Variants in ACAN observed in about 807,000 individuals in gnomAD.
ACAN encodes the protein aggrecan core protein.
A neutral mutation model predicts 169.1 loss-of-function variants in ACAN; 47 were observed. That is an observed-to-expected ratio of 0.28 (90% CI 0.22 to 0.35). The LOEUF is 0.35. Among genes scored for constraint, ACAN ranks in the 10% least tolerant of loss-of-function variants. ACAN has a pLI of 1.00. For synonymous variants in ACAN, 1,115 were observed against 1,112.2 expected, an observed-to-expected ratio of 1.00 and a Z score of -0.05; for missense variants, 2,716 against 2,759.9, an observed-to-expected ratio of 0.98 and a Z score of 0.36.
intron 1 of ACAN, among the ~76,000 whole-genome samples, chr15:88,810,740 A>G (rs1895800665): frequency 6.6e-6 from 1 of 152,140 alleles, no homozygotes; most frequent in Non-Finnish European, 1.5e-5. Context: ...GCTTTTCAAA[A>G]ATACGGGTGG....
intron 1 of ACAN, among the ~76,000 whole-genome samples, chr15:88,818,670 G>A (rs911990438): frequency 2.6e-5 from 4 of 152,168 alleles, no homozygotes; most frequent in Non-Finnish European, 5.9e-5. Flanking sequence ...GGTTGTGTTG[G>A]ACTCATTGGA....
intron 1 of ACAN, among the ~76,000 whole-genome samples, chr15:88,812,949 C>G (rs1007822120): frequency 2.0e-5 from 3 of 152,186 alleles, no homozygotes; most frequent in Non-Finnish European, 4.4e-5. Flanking sequence ...ACATGCCTTC[C>G]AAGGCCAGCA....
At position 88,849,464 on chromosome 15, in the gene ACAN, G is replaced by A. The variant is rs771802121; in HGVS notation, c.1759G>A (p.Glu587Lys). Residue 587 changes from glutamate (E) to lysine (K), a missense_variant, in exon 10 of 19, where the codon GAG becomes AAG. Around this residue, in one of 3 missense-constraint regions of ACAN, gnomAD observed 1,283 missense variants for 1,281.5 expected, o/e 1.00. Coordinates refer to ENST00000560601, the MANE Select transcript of ACAN (RefSeq NM_001369268.1). The surrounding 1 kb of genome is among the most constrained non-coding windows in gnomAD (Gnocchi z 5.1). ...EGEVFFATRL[E>K]QFTFQEALEF... is the part of the protein sequence containing the mutation. Reference sequence around the variant, plus strand: ...GGAGGTGTTCTTCGCCACACGCCTTGAGCAGTTCACCTTCCAGGAAGCACT... The same window carrying A: ...GGAGGTGTTCTTCGCCACACGCCTTAAGCAGTTCACCTTCCAGGAAGCACT... The A allele has an allele frequency of 1.3e-4, 206 of 1,603,154 alleles. No individual in the cohort carries two copies. Among genetic ancestry groups the A allele is most frequent in the Non-Finnish European group, 1.7e-4 (194 of 1,173,168 alleles).
At chr15:88,824,142 G>T (rs1896147859) in intron 1 of ACAN, among the ~76,000 whole-genome samples, 1 of 152,072 alleles carries the variant, frequency 6.6e-6, no homozygotes, top group Non-Finnish European at 1.5e-5. Flanking sequence ...GGCTAACACA[G>T]TGAAACCCCG....
In ACAN at chr15:88,814,018, C is replaced by T. The variant is rs1013548854; in HGVS notation, c.-8+10209C>T. ...TTCCTAGTTCCCCTCCTGATGACAT[C>T]TAGTGCTTAGACTCACAAAAGAATC... On this transcript the variant is annotated intron_variant, in intron 1 of 18. Transcript: ENST00000560601. The surrounding 1 kb of genome is among the most constrained non-coding windows in gnomAD (Gnocchi z 4.0). Among the ~76,000 whole-genome samples the T allele has an allele frequency of 1.3e-5, 2 of 152,192 alleles. No homozygotes were observed. The highest frequency in any genetic ancestry group is 4.8e-5 in the African/African-American group (2 of 41,450).
chr15:88,871,277 A>C lies in ACAN; in HGVS notation c.7061-105A>C. The C allele has an allele frequency of 6.7e-7, 1 of 1,497,514 alleles. No homozygotes were observed. Among genetic ancestry groups the C allele is most frequent in the South Asian group, 1.2e-5 (1 of 83,198 alleles). 92.8% of individuals were successfully genotyped at this position (1,497,514 alleles called of 1,614,324 possible). Reference sequence around the variant, plus strand: ...CTCTCCCTTCCCTTGAGGGCACAGCATGGAAGGTGGGGTGAACGCAGGAAC... The same window carrying C: ...CTCTCCCTTCCCTTGAGGGCACAGCCTGGAAGGTGGGGTGAACGCAGGAAC... On this transcript the variant is annotated intron_variant, in intron 14 of 18. Transcript: ENST00000560601. The surrounding 1 kb of genome is among the most constrained non-coding windows in gnomAD (Gnocchi z 7.8).
chr15:88,848,448 G>T (rs1048757684), intron 9 of ACAN, among the ~76,000 whole-genome samples: 3 of 151,592 alleles, frequency 2.0e-5, no homozygotes, highest in African/African-American at 7.3e-5. Flanking sequence ...TGGGCACAGT[G>T]GCTCACACCT....
intron 1 of ACAN, among the ~76,000 whole-genome samples, chr15:88,812,537 C>T (rs1895846038): frequency 6.6e-6 from 1 of 152,152 alleles, no homozygotes; most frequent in African/African-American, 2.4e-5. Flanking sequence ...TCCTCCACCT[C>T]CCTGCAGCCC....
chr15:88,860,426 G>T lies in ACAN; in HGVS notation c.6933G>T (p.Glu2311Asp), dbSNP rs775056039. The stretch of plus-strand genomic sequence containing the variant: ...TGTGCCCCCCTGGCTACACTGGCGA[G>T]CACTGTAACATAGGTAAGGCCCTCA... ...ICLCPPGYTG[E>D]HCNIDIDECL... is the part of the protein sequence containing the mutation. Residue 2311 changes from glutamate to aspartate, a missense_variant, in exon 13 of 19, where the codon GAG becomes GAT. Physicochemically the swap from Glu to Asp is conservative, Grantham distance 45 (BLOSUM62 2). Around this residue, in one of 3 missense-constraint regions of ACAN, gnomAD observed 1,389 missense variants for 1,363.7 expected, o/e 1.02. Coordinates refer to ENST00000560601, the MANE Select transcript of ACAN (RefSeq NM_001369268.1). The T allele has an allele frequency of 8.7e-6, 14 of 1,613,232 alleles. No homozygotes were observed. The highest frequency in any genetic ancestry group is 1.6e-4 in the Middle Eastern group (1 of 6,082).
In ACAN at chr15:88,873,965, C is replaced by A. The variant is rs762433371; in HGVS notation, c.7571C>A (p.Pro2524His). 13 of 1,613,246 alleles carry A rather than the reference C, an allele frequency of 8.1e-6. No individual in the cohort carries two copies. In the East Asian group the frequency reaches 2.7e-4, roughly 33 times the overall value. The stretch of plus-strand genomic sequence containing the variant: ...GAGGGGTTTGTCCAGCGCCACATGC[C>A]CACCATCCGGTGCCAGCCCAGCGGG... The part of the protein sequence containing the change: ...CTEGFVQRHM[P>H]TIRCQPSGHW... The change falls in exon 18 of 19, where the codon CCC (proline) becomes CAC (histidine). Residue 2524 changes from proline (P) to histidine (H), a missense_variant. Transcript: ENST00000560601. The surrounding 1 kb of genome is among the most constrained non-coding windows in gnomAD (Gnocchi z 7.5).
Position 88,843,457 on chromosome 15 carries a change from A to G in ACAN, c.860A>G (p.Tyr287Cys), listed in dbSNP as rs747612281. ...CGGCTGGCCACCACGGGCCAGCTCT[A>G]CCTGGCCTGGCAGGCTGGCATGGAC... ...GARLATTGQL[Y>C]LAWQAGMDMC... The change falls in exon 6 of 19, where the codon TAC (tyrosine) becomes TGC (cysteine). Residue 287 changes from tyrosine to cysteine, a missense_variant. Physicochemically the swap from Tyr to Cys is radical, Grantham distance 194. Around this residue, in one of 3 missense-constraint regions of ACAN, gnomAD observed 1,283 missense variants for 1,281.5 expected, o/e 1.00. Coordinates refer to ENST00000560601, the MANE Select transcript of ACAN (RefSeq NM_001369268.1). The surrounding 1 kb of genome is among the most constrained non-coding windows in gnomAD (Gnocchi z 4.0). The G allele has an allele frequency of 5.6e-6, 9 of 1,611,396 alleles. No homozygotes were observed. Among genetic ancestry groups the G allele is most frequent in the Non-Finnish European group, 7.6e-6 (9 of 1,178,682 alleles).
intron 11 of ACAN, among the ~76,000 whole-genome samples, chr15:88,854,434 A>C (rs1016935410): frequency 4.6e-5 from 7 of 152,160 alleles, no homozygotes; most frequent in South Asian, 2.1e-4. Context: ...GGACCAAATC[A>C]ATGAGATGGT....
rs555118291 is a variant in ACAN at position 88,871,331 on chromosome 15, A to G, written c.7061-51A>G. 1.1e-4 allele frequency: 177 copies of G among 1,611,228 alleles called. No individual in the cohort carries two copies. In the African/African-American group the frequency reaches 1.9e-3, roughly 17 times the overall value. ...TGCCATAAGACTGGCAGCATCTGCCATCCCCTGGTGGCCTCTGCCCCTCCC... is the reference window on the plus strand; with the variant it reads ...TGCCATAAGACTGGCAGCATCTGCCGTCCCCTGGTGGCCTCTGCCCCTCCC... On this transcript the variant is annotated intron_variant, in intron 14 of 18. Coordinates refer to ENST00000560601, the MANE Select transcript of ACAN (RefSeq NM_001369268.1). This position sits in a 1 kb window ranked among gnomAD's most constrained non-coding sequence, Gnocchi z 7.8.
At chr15:88,830,870 C>T (rs115865887) in intron 1 of ACAN, among the ~76,000 whole-genome samples, 2,856 of 152,250 alleles carry the variant, frequency 0.019, 65 homozygotes, top group African/African-American at 0.051. Context: ...TATGACGCTA[C>T]AACGGCTGCA....
rs77499278 is a variant in ACAN at position 88,860,225 on chromosome 15, G to A, written c.6833-101G>A. On this transcript the variant is annotated intron_variant, in intron 12 of 18. Coordinates refer to ENST00000560601, the MANE Select transcript of ACAN (RefSeq NM_001369268.1). ...AAAGTGCTGACCCAAAGCCAGCCTC[G>A]TGGACTTCAGGAACCTCATGCCCCA... 280 of 779,616 alleles carry A rather than the reference G, an allele frequency of 3.6e-4. No individual in the cohort carries two copies. In the African/African-American group the frequency reaches 3.9e-3, roughly 11 times the overall value. The allele number at this position is 779,616 out of a possible 1,614,324, so 48.3% of individuals were successfully genotyped here.
rs1488387534 is a variant in ACAN, at chr15:88,814,808, G to A, written c.-8+10999G>A. Reference sequence around the variant, plus strand: ...CTAGCCAGCATGTCCATGCTATCAGGAAGCTTGTGAGGCAGGAGGTGCTGG... The same window carrying A: ...CTAGCCAGCATGTCCATGCTATCAGAAAGCTTGTGAGGCAGGAGGTGCTGG... On this transcript the variant is annotated intron_variant, in intron 1 of 18. Transcript: ENST00000560601. This position sits in a 1 kb window ranked among gnomAD's most constrained non-coding sequence, Gnocchi z 4.0. Among the ~76,000 whole-genome samples, 1 of 152,208 alleles carries A rather than the reference G, an allele frequency of 6.6e-6. No individual in the cohort carries two copies. The highest frequency in any genetic ancestry group is 1.5e-5 in the Non-Finnish European group (1 of 68,042).
At chr15:88,827,646 G>A (rs1311313113) in intron 1 of ACAN, among the ~76,000 whole-genome samples, 1 of 152,216 alleles carries the variant, frequency 6.6e-6, no homozygotes, top group Admixed American at 6.5e-5. Context: ...GGTGCTTGGT[G>A]TATCCATATT....
rs1596132038 is a variant in ACAN, at chr15:88,840,259, G to C, written c.629+73G>C. 8.8e-6 allele frequency: 13 copies of C among 1,471,016 alleles called. No individual in the cohort carries two copies. In the East Asian group the frequency reaches 3.2e-4, roughly 36 times the overall value. 91.1% of individuals were successfully genotyped at this position (1,471,016 alleles called of 1,614,324 possible). ...AGGGGAGTGGGGCGGGTGCTGGGTGGAACGTTGGCCAGCACTGAGCTGGTG... is the reference window on the plus strand; with the variant it reads ...AGGGGAGTGGGGCGGGTGCTGGGTGCAACGTTGGCCAGCACTGAGCTGGTG... On this transcript the variant is annotated intron_variant, in intron 4 of 18. Coordinates refer to ENST00000560601, the MANE Select transcript of ACAN (RefSeq NM_001369268.1).
At position 88,807,849 on chromosome 15, in the gene ACAN, C is replaced by A. The variant is rs370349740; in HGVS notation, c.-8+4040C>A. On this transcript the variant is annotated intron_variant, in intron 1 of 18. Transcript: ENST00000560601. The surrounding 1 kb of genome is among the most constrained non-coding windows in gnomAD (Gnocchi z 4.0). ...TGTGAGAGGTGACTTCTCTCCCTCT[C>A]AATGGCCTTACAGTGTATCCTAAAG... Among the ~76,000 whole-genome samples, 55 of 151,960 alleles carry A rather than the reference C, an allele frequency of 3.6e-4. 1 individual carries two copies. Among genetic ancestry groups the A allele is most frequent in the African/African-American group, 1.3e-3 (52 of 41,436 alleles).
Sources: gnomAD v4.1 joint callset for allele counts (sites outside exome capture counted in the v4.1 genomes callset) on GRCh38, gnomAD v4.1.1 for gene constraint, gnomAD v4.1.1 regional missense constraint, Gnocchi (gnomAD v3.1) non-coding constraint, MANE v1.5 for transcripts, NCBI Gene and HGNC (gene_info 2026-07-23, HGNC 2026-07-21) for gene names.